TSPAN2: variants seen among roughly 807,000 people sequenced by gnomAD.
TSPAN2 encodes the protein tetraspanin-2.
A neutral mutation model predicts 33.3 loss-of-function variants in TSPAN2; 24 were observed. That is an observed-to-expected ratio of 0.72 (90% CI 0.52 to 1.01). The LOEUF (loss-of-function observed/expected upper bound fraction) is 1.01. TSPAN2 is among the 50% of genes least tolerant of loss of function. The pLI is 0.00. For missense variants in TSPAN2, 278 were observed against 281.3 expected, an observed-to-expected ratio of 0.99 and a Z score of 0.08; for synonymous variants, 114 against 104.5, an observed-to-expected ratio of 1.09 and a Z score of -0.56.
At chr1:115,068,133 G>A (rs904339687) in intron 2 of TSPAN2, among the ~76,000 whole-genome samples, 2 of 152,150 alleles carry the variant, frequency 1.3e-5, no homozygotes, top group African/African-American at 2.4e-5. Context: ...GCCTTGGCCT[G>A]GATGCAGAGG....
At chr1:115,068,517 AAC>A (rs1648037316) in intron 2 of TSPAN2, among the ~76,000 whole-genome samples, 1 of 152,190 alleles carries the variant, frequency 6.6e-6, no homozygotes, top group African/African-American at 2.4e-5. Context: ...GACACTCTTT[AAC>A]AAAGGGGTGA....
chr1:115,089,312 G>GGCCC, intron 1 of TSPAN2, 52 bp downstream of exon 1: 9 of 1,388,962 alleles, frequency 6.5e-6, no homozygotes, highest in Non-Finnish European at 8.8e-6. Context: ...CCGGCCCCGC[G>GGCCC]CCCGCCACCC....
At chr1:115,083,175 C>T (rs546742099) in intron 1 of TSPAN2, among the ~76,000 whole-genome samples, 1 of 152,196 alleles carries the variant, frequency 6.6e-6, no homozygotes, top group Admixed American at 6.5e-5. Context: ...TGATTTGTTT[C>T]AGTGCTCAGT....
At chr1:115,088,073 A>C (rs1362806563) in intron 1 of TSPAN2, among the ~76,000 whole-genome samples, 2 of 152,222 alleles carry the variant, frequency 1.3e-5, no homozygotes, top group African/African-American at 4.8e-5. Context: ...CTCTCCCTAT[A>C]GTATGCTTGA....
intron 3 of TSPAN2, 47 bp from the exon 4 acceptor site, chr1:115,060,585 A>C: frequency 6.7e-7 from 1 of 1,487,022 alleles, no homozygotes; most frequent in East Asian, 2.3e-5. Context: ...ATACCTTTTC[A>C]ATTTATATAT....
At chr1:115,067,917 A>G (rs1234836140) in intron 2 of TSPAN2, among the ~76,000 whole-genome samples, 1 of 152,124 alleles carries the variant, frequency 6.6e-6, no homozygotes, top group East Asian at 1.9e-4. Context: ...CCAGAGAGGG[A>G]CTGTAACAGG....
rs1468171889 is a variant in TSPAN2, at chr1:115,077,171, A to G, written c.70-4164T>C. 5.3e-5 allele frequency among the ~76,000 whole-genome samples: 8 copies of G among 152,154 alleles called. 1 individual carries two copies. The East Asian group carries it at 1.4e-3, about 26-fold the overall frequency. On this transcript the variant is annotated intron_variant, in intron 1 of 7. Transcript: ENST00000369516. ...TGGACTCAAGTGATCTGCTCACCTCAGCCTCTCAAAGTACTAGGATTACAA... is the reference window on the plus strand; with the variant it reads ...TGGACTCAAGTGATCTGCTCACCTCGGCCTCTCAAAGTACTAGGATTACAA...
At chr1:115,073,068 A>G in intron 1 of TSPAN2, 61 bp from the exon 2 acceptor site, 2 of 1,410,986 alleles carry the variant, frequency 1.4e-6, no homozygotes, top group Non-Finnish European at 2.0e-6. Context: ...CAGATCCGAG[A>G]GCAGGCTCTA....
chr1:115,082,808 C>T (rs1469682108), intron 1 of TSPAN2, among the ~76,000 whole-genome samples: 2 of 152,132 alleles, frequency 1.3e-5, no homozygotes, highest in African/African-American at 2.4e-5. Flanking sequence ...TTTCTTATAC[C>T]TTATATTCTA....
At position 115,067,729 on chromosome 1, in the gene TSPAN2, G is replaced by C. The variant is rs187710730; in HGVS notation, c.172+5176C>G. Among the ~76,000 whole-genome samples, 45 of 152,314 alleles carry C rather than the reference G, an allele frequency of 3.0e-4. No homozygotes were observed. The East Asian group carries it at 7.3e-3, about 25-fold the overall frequency. On this transcript the variant is annotated intron_variant, in intron 2 of 7. Coordinates refer to ENST00000369516, the MANE Select transcript of TSPAN2 (RefSeq NM_005725.6). ...TGCAGTCAGGCTGCGATCCTGGAGA[G>C]CCGAGTGGCTCCTGCGTGTGTGGGC...
intron 2 of TSPAN2, 61 bp downstream of exon 2, chr1:115,072,844 C>T: frequency 7.0e-7 from 1 of 1,420,946 alleles, no homozygotes; most frequent in Non-Finnish European, 9.9e-7. Flanking sequence ...AGCTTCTGCT[C>T]TAAGTCTTTG....
In TSPAN2 at chr1:115,089,373, C is replaced by T. The variant is rs758691863; in HGVS notation, c.60G>A (p.Leu20=). The T allele has an allele frequency of 3.8e-6, 6 of 1,591,540 alleles. No homozygotes were observed. Among genetic ancestry groups the T allele is most frequent in the Middle Eastern group, 1.7e-4 (1 of 5,870 alleles). ...CIKYLLLGFN[L]LFWLAGSAVI... is the part of the protein sequence containing the mutation. ...CGGCTCCTGGTCTCACCCAGAAGAG[C>T]AGGTTGAAGCCAAGCAGCAGGTACT... is the stretch of plus-strand genomic sequence containing the variant. Residue 20 remains leucine, a synonymous_variant, in exon 1 of 8, where the codon CTG becomes CTA. Transcript: ENST00000369516.
intron 1 of TSPAN2, among the ~76,000 whole-genome samples, chr1:115,083,771 G>A (rs12130654): frequency 6.6e-6 from 1 of 152,058 alleles, no homozygotes; most frequent in African/African-American, 2.4e-5. Flanking sequence ...CCTGCTCCAG[G>A]GTCAGTGCAC....
intron 1 of TSPAN2, among the ~76,000 whole-genome samples, chr1:115,081,604 C>T (rs932594122): frequency 6.6e-6 from 1 of 152,102 alleles, no homozygotes; most frequent in Non-Finnish European, 1.5e-5. Context: ...ACTTACTGGT[C>T]CTATAATCTT....
At chr1:115,079,918 A>C (rs533338481) in intron 1 of TSPAN2, among the ~76,000 whole-genome samples, 1 of 152,364 alleles carries the variant, frequency 6.6e-6, no homozygotes, top group Non-Finnish European at 1.5e-5. Flanking sequence ...AGGGTGGTGC[A>C]ATTCAGGCCA....
Position 115,089,461 on chromosome 1 carries a change from C to T in TSPAN2, c.-29G>A, listed in dbSNP as rs376772473. On this transcript the variant is annotated 5_prime_UTR_variant, in exon 1 of 8. Transcript: ENST00000369516. ...GCGGCCCGGCGGCGGGATCCCCAGT[C>T]CCCAGGCCCGCGCTACGAGCGCGGG... is the stretch of plus-strand genomic sequence containing the variant. 28 of 1,477,090 alleles carry T rather than the reference C, an allele frequency of 1.9e-5. No individual in the cohort carries two copies. The highest frequency in any genetic ancestry group is 2.3e-5 in the Non-Finnish European group (26 of 1,109,748). The allele number at this position is 1,477,090 out of a possible 1,614,324, so 91.5% of individuals were successfully genotyped here. A position where few individuals can be genotyped will look rare whatever the true frequency, so the allele number is the denominator to read the frequency against.
Position 115,050,485 on chromosome 1 carries a change from T to C in TSPAN2, c.*5A>G. The C allele has an allele frequency of 1.9e-6, 3 of 1,613,632 alleles. No individual in the cohort carries two copies. Among genetic ancestry groups the C allele is most frequent in the Non-Finnish European group, 2.5e-6 (3 of 1,179,590 alleles). On this transcript the variant is annotated 3_prime_UTR_variant, in exon 8 of 8. Coordinates refer to ENST00000369516, the MANE Select transcript of TSPAN2 (RefSeq NM_005725.6). ...TTAGATTGCAATTTTCATGTAGAAG[T>C]AGCTTCATATCACATCTCGTGAGTT...
chr1:115,058,208 T>C (rs1174955764), intron 5 of TSPAN2: 1 of 155,766 alleles, frequency 6.4e-6, no homozygotes, highest in Non-Finnish European at 1.4e-5. Flanking sequence ...GACATACTTG[T>C]CCTAGACAAG....
chr1:115,057,456 A>T, intron 6 of TSPAN2, 81 bp downstream of exon 6: 4 of 1,339,830 alleles, frequency 3.0e-6, no homozygotes, highest in Non-Finnish European at 4.3e-6. Context: ...TGCAGATCCC[A>T]TCCGAGATTC....
Sources: allele counts gnomAD v4.1 joint callset (sites outside exome capture counted in the v4.1 genomes callset), GRCh38; gene constraint gnomAD v4.1.1; transcripts MANE v1.5; gene names NCBI Gene and HGNC (gene_info 2026-07-23, HGNC 2026-07-21).